Variants in ALPK2 observed in about 807,000 individuals in gnomAD.
The protein encoded by ALPK2 is alpha-protein kinase 2.
ALPK2 carries 127 observed loss-of-function variants against 163.1 expected under a neutral mutation model. The ratio of observed to expected loss-of-function variants is 0.78; its 90% CI spans 0.67 to 0.90. The LOEUF (loss-of-function observed/expected upper bound fraction) is 0.90. Ranked by LOEUF, ALPK2 falls within the 40% of genes least tolerant of loss-of-function variation. The pLI, the probability that ALPK2 is intolerant of heterozygous loss-of-function variation, is 0.00. For missense variants in ALPK2, 2,360 were observed against 2,589.6 expected (o/e 0.91, Z 1.92); for synonymous variants, 953 against 959.1 (o/e 0.99, Z 0.12).
At chr18:58,502,968 C>A (rs2051440176) in intron 11 of ALPK2, among the ~76,000 whole-genome samples, 1 of 152,192 alleles carries the variant, frequency 6.6e-6, no homozygotes, top group African/African-American at 2.4e-5. Flanking sequence ...AGCTCCAGCG[C>A]CCACGGCAGT....
chr18:58,490,364 G>A (rs763644272), intron 12 of ALPK2, among the ~76,000 whole-genome samples: 6 of 152,132 alleles, frequency 3.9e-5, no homozygotes, highest in Non-Finnish European at 8.8e-5. Flanking sequence ...GGGCCAGTCA[G>A]GGGAGCCTCC....
intron 3 of ALPK2, among the ~76,000 whole-genome samples, chr18:58,595,054 T>C (rs991000733): frequency 2.6e-5 from 4 of 152,134 alleles, no homozygotes; most frequent in Admixed American, 6.5e-5. Context: ...GTCATGACCA[T>C]GTGCCATGGC....
intron 4 of ALPK2, among the ~76,000 whole-genome samples, chr18:58,573,384 A>G (rs34424174): frequency 0.12 from 16,882 of 144,566 alleles, 1,142 homozygotes; most frequent in East Asian, 0.17. Context: ...ATGTGTGTGT[A>G]TATATATATA....
chr18:58,575,351 C>T lies in ALPK2; in HGVS notation c.1962+3463G>A, dbSNP rs115976916. ...ACTCTAGGGACTTGGGTTATATCAG[C>T]GAACAGAATACACTGAACAAATTCC... On this transcript the variant is annotated intron_variant, in intron 4 of 12. Transcript: ENST00000361673. Among the ~76,000 whole-genome samples, 428 of 152,266 alleles carry T rather than the reference C, an allele frequency of 2.8e-3. 2 individuals are homozygous for T. The highest frequency in any genetic ancestry group is 9.8e-3 in the African/African-American group (408 of 41,526).
At chr18:58,604,052 G>T (rs1476923895) in intron 3 of ALPK2, among the ~76,000 whole-genome samples, 2 of 152,196 alleles carry the variant, frequency 1.3e-5, no homozygotes, top group African/African-American at 4.8e-5. Flanking sequence ...ATGCAGGGAA[G>T]ATAGAGGAAA....
intron 5 of ALPK2, among the ~76,000 whole-genome samples, chr18:58,532,700 A>C (rs1274432385): frequency 6.6e-6 from 1 of 152,236 alleles, no homozygotes; most frequent in Non-Finnish European, 1.5e-5. Flanking sequence ...TTAAAAAAAC[A>C]GTAACTAACA....
chr18:58,513,160 GGGGGTGTGTGT>G (rs2051503197), intron 10 of ALPK2, among the ~76,000 whole-genome samples: 2 of 147,968 alleles, frequency 1.4e-5, no homozygotes, highest in South Asian at 2.2e-4. Context: ...TGTGTGGTGT[GGGGGTGTGTGT>G]GGGGTGTGTG....
chr18:58,620,874 G>A (rs2052194972), intron 1 of ALPK2, among the ~76,000 whole-genome samples: 1 of 152,148 alleles, frequency 6.6e-6, no homozygotes. Flanking sequence ...GAACGAGACA[G>A]GCCCGGCACG....
intron 4 of ALPK2, among the ~76,000 whole-genome samples, chr18:58,554,758 G>GCCC (rs2051780629): frequency 6.6e-6 from 1 of 152,150 alleles, no homozygotes; most frequent in Admixed American, 6.5e-5. Context: ...ATTGGAACCA[G>GCCC]CTTGATATGG....
chr18:58,507,257 G>A (rs780930457), intron 10 of ALPK2, among the ~76,000 whole-genome samples: 16 of 152,166 alleles, frequency 1.1e-4, no homozygotes, highest in African/African-American at 2.7e-4. Context: ...AAATGGCGGC[G>A]GGGCAGCTAT....
chr18:58,628,107 G>C (rs2052241101), intron 1 of ALPK2, among the ~76,000 whole-genome samples: 2 of 152,058 alleles, frequency 1.3e-5, no homozygotes, highest in Admixed American at 1.3e-4. Context: ...ATGTGACAGT[G>C]GTGGCATTTA....
chr18:58,550,663 A>ATGTACAACCCCATCCCCACCTCCATCG (rs2051753074), intron 4 of ALPK2, among the ~76,000 whole-genome samples: 1 of 151,326 alleles, frequency 6.6e-6, no homozygotes. Flanking sequence ...CGTCTCCATC[A>ATGTACAACCCCATCCCCACCTCCATCG]TGTACAACCC....
chr18:58,525,384 G>A (rs1157540343), intron 6 of ALPK2, among the ~76,000 whole-genome samples: 6 of 152,194 alleles, frequency 3.9e-5, no homozygotes, highest in Admixed American at 3.3e-4. Flanking sequence ...CCACAGAGGA[G>A]GCTTGTGGAA....
At chr18:58,543,176 T>C (rs1289329751) in intron 4 of ALPK2, among the ~76,000 whole-genome samples, 3 of 152,162 alleles carry the variant, frequency 2.0e-5, no homozygotes, top group Admixed American at 2.0e-4. Flanking sequence ...CTGCTCTGCC[T>C]TGGGACTCTG....
In ALPK2 at chr18:58,607,442, G is replaced by C. The variant is rs761521597; in HGVS notation, c.110-3C>G. The stretch of plus-strand genomic sequence containing the variant: ...AGTTACCTCTGGCTTGGGCTGACCT[G>C]ACAATAAAGAAAGAAAAGTATCCTT... On this transcript the variant is annotated splice_region_variant and splice_polypyrimidine_tract_variant and intron_variant, in intron 2 of 12. Coordinates refer to ENST00000361673, the MANE Select transcript of ALPK2 (RefSeq NM_052947.4). 1.9e-6 allele frequency: 3 copies of C among 1,565,626 alleles called. No homozygotes were observed. The African/African-American group carries it at 4.2e-5, about 22-fold the overall frequency.
At chr18:58,561,494 G>T (rs73961619) in intron 4 of ALPK2, among the ~76,000 whole-genome samples, 1,597 of 152,256 alleles carry the variant, frequency 0.01, 29 homozygotes, top group African/African-American at 0.036. Flanking sequence ...CAGACCCTGA[G>T]ACAAGAAAGT....
chr18:58,528,391 C>A (rs2051594664), intron 6 of ALPK2, among the ~76,000 whole-genome samples: 1 of 152,004 alleles, frequency 6.6e-6, no homozygotes, highest in African/African-American at 2.4e-5. Flanking sequence ...AGAAAATTAG[C>A]CAAGCATGGT....
intron 2 of ALPK2, among the ~76,000 whole-genome samples, chr18:58,609,746 T>C (rs1309758763): frequency 6.6e-6 from 1 of 152,334 alleles, no homozygotes; most frequent in South Asian, 2.1e-4. Flanking sequence ...CCCCTTGTTT[T>C]TGGAACCTAC....
At chr18:58,593,635 T>G (rs2052026933) in intron 3 of ALPK2, among the ~76,000 whole-genome samples, 1 of 149,610 alleles carries the variant, frequency 6.7e-6, no homozygotes. Flanking sequence ...CCCAGCACTT[T>G]GGGAGGCCAA....
Sources: gnomAD v4.1 joint callset for allele counts (sites outside exome capture counted in the v4.1 genomes callset) on GRCh38, gnomAD v4.1.1 for gene constraint, MANE v1.5 for transcripts, NCBI Gene and HGNC (gene_info 2026-07-23, HGNC 2026-07-21) for gene names.